Variants in NUP93 observed in about 807,000 individuals in gnomAD.
NUP93 encodes the protein nuclear pore complex protein Nup93.
A neutral mutation model predicts 107.8 loss-of-function variants in NUP93; 55 were observed. That is an observed-to-expected ratio of 0.51 (90% CI 0.41 to 0.64). The LOEUF (loss-of-function observed/expected upper bound fraction) is 0.64. Among genes scored for constraint, NUP93 ranks in the 30% least tolerant of loss-of-function variants. The probability of loss-of-function intolerance (pLI) is 0.00; values close to 1 mark genes in which losing one functional copy is unlikely to be tolerated. For synonymous variants in NUP93, 390 were observed against 397.5 expected, an observed-to-expected ratio of 0.98 and a Z score of 0.22; for missense variants, 937 against 1,044.7, an observed-to-expected ratio of 0.90 and a Z score of 1.42.
intron 3 of NUP93, among the ~76,000 whole-genome samples, chr16:56,772,969 A>G (rs1201088452): frequency 6.6e-6 from 1 of 152,188 alleles, no homozygotes; most frequent in African/African-American, 2.4e-5. Flanking sequence ...GTTGATCACC[A>G]GTGGCCAGTG....
chr16:56,829,056 T>G lies in NUP93; in HGVS notation c.874T>G (p.Leu292Val). The G allele has an allele frequency of 6.2e-7, 1 of 1,613,524 alleles. No individual in the cohort carries two copies. The highest frequency in any genetic ancestry group is 8.5e-7 in the Non-Finnish European group (1 of 1,179,832). Residue 292 changes from leucine (L) to valine (V), a missense_variant, in exon 9 of 22, where the codon TTG becomes GTG. By Grantham distance (32) the Leu-to-Val change is conservative (BLOSUM62 1). Coordinates refer to ENST00000308159, the MANE Select transcript of NUP93 (RefSeq NM_014669.5). ...GGGCGGGGTGCCTGGGACTTACCAA[T>G]TGGTTCGAAGTTTCCTGAACATTAA... Reference protein sequence around the residue: ...QLGGVPGTYQLVRSFLNIKLP... With the variant: ...QLGGVPGTYQVVRSFLNIKLP...
chr16:56,821,513 T>C lies in NUP93; in HGVS notation c.574T>C (p.Tyr192His). ...CTTTTTATCATTTCAGATTTATATC[T>C]ATAATGAGAAAATTGTAAATGGACA... is the stretch of plus-strand genomic sequence containing the variant. ...EMAYARQIYI[Y>H]NEKIVNGHLQ... The change falls in exon 7 of 22, where the codon TAT becomes CAT. Residue 192 changes from tyrosine (Y) to histidine (H), a missense_variant. Coordinates refer to ENST00000308159, the MANE Select transcript of NUP93 (RefSeq NM_014669.5). 6.2e-7 allele frequency: 1 copy of C among 1,606,506 alleles called. No individual in the cohort carries two copies. Among genetic ancestry groups the C allele is most frequent in the Non-Finnish European group, 8.5e-7 (1 of 1,173,200 alleles).
chr16:56,809,965 A>G (rs1434965191), intron 5 of NUP93, among the ~76,000 whole-genome samples: 3 of 152,234 alleles, frequency 2.0e-5, no homozygotes, highest in Non-Finnish European at 4.4e-5. Flanking sequence ...AGAACAGCTC[A>G]TGGTTTTATA....
At chr16:56,790,805 T>G (rs774015064) in intron 3 of NUP93, among the ~76,000 whole-genome samples, 1 of 152,230 alleles carries the variant, frequency 6.6e-6, no homozygotes, top group Admixed American at 6.5e-5. Context: ...GAATACTCAA[T>G]AGTATTCCAA....
At chr16:56,808,254 A>T (rs1963206244) in intron 5 of NUP93, among the ~76,000 whole-genome samples, 2 of 44,648 alleles carry the variant, frequency 4.5e-5, no homozygotes, top group Admixed American at 3.1e-4. Context: ...AACTATATAA[A>T]ATATATAGTT....
intron 20 of NUP93, 175 bp downstream of exon 20, chr16:56,839,779 C>T (rs1963985286): frequency 3.3e-6 from 2 of 597,434 alleles, no homozygotes; most frequent in Non-Finnish European, 6.0e-6. Flanking sequence ...TGAGTGCATA[C>T]ATCCCCATCA....
intron 2 of NUP93, among the ~76,000 whole-genome samples, chr16:56,752,599 C>T (rs1209349416): frequency 2.6e-5 from 4 of 152,168 alleles, no homozygotes; most frequent in Non-Finnish European, 5.9e-5. Context: ...GCAGATTCAA[C>T]ACAGTCTCTA....
intron 5 of NUP93, among the ~76,000 whole-genome samples, chr16:56,808,796 A>G (rs1175278117): frequency 1.0e-4 from 14 of 140,524 alleles, no homozygotes; most frequent in Admixed American, 9.9e-4. Flanking sequence ...AAATATGTAT[A>G]TAAATACATA....
At chr16:56,843,615 C>G (rs752089392) in intron 21 of NUP93, among the ~76,000 whole-genome samples, 1 of 152,172 alleles carries the variant, frequency 6.6e-6, no homozygotes, top group Non-Finnish European at 1.5e-5. Flanking sequence ...GCTCATTTAA[C>G]GAGAGCCCTT....
At chr16:56,779,416 T>C (rs909937812) in intron 3 of NUP93, among the ~76,000 whole-genome samples, 1 of 152,236 alleles carries the variant, frequency 6.6e-6, no homozygotes, top group Non-Finnish European at 1.5e-5. Flanking sequence ...CTTTAGTTTT[T>C]GGTGTCTAGG....
intron 20 of NUP93, among the ~76,000 whole-genome samples, chr16:56,840,093 T>C (rs1413872201): frequency 6.6e-6 from 1 of 152,160 alleles, no homozygotes; most frequent in Non-Finnish European, 1.5e-5. Context: ...TGATCTTGGC[T>C]CACTGCAAGC....
chr16:56,763,442 G>A (rs1216797100), intron 3 of NUP93, among the ~76,000 whole-genome samples: 1 of 152,046 alleles, frequency 6.6e-6, no homozygotes, highest in Non-Finnish European at 1.5e-5. Flanking sequence ...ACTATAGATA[G>A]GATTAAATTT....
At chr16:56,830,452 TAGCTC>T in intron 9 of NUP93, 71 bp from the exon 10 acceptor site, 7 of 1,385,398 alleles carry the variant, frequency 5.1e-6, no homozygotes, top group Non-Finnish European at 5.8e-6. Context: ...GAGAGGGGCT[TAGCTC>T]GGTTTTAGCA....
At chr16:56,789,374 G>A (rs1489034223) in intron 3 of NUP93, among the ~76,000 whole-genome samples, 3 of 152,216 alleles carry the variant, frequency 2.0e-5, no homozygotes, top group East Asian at 3.8e-4. Flanking sequence ...AATTTGTTTT[G>A]CCTTAATGGA....
At chr16:56,808,895 G>A (rs1460426906) in intron 5 of NUP93, among the ~76,000 whole-genome samples, 1 of 150,218 alleles carries the variant, frequency 6.7e-6, no homozygotes, top group Non-Finnish European at 1.5e-5. Context: ...AAAGCACCCT[G>A]TCCCCAAATA....
At chr16:56,755,069 C>T (rs1365005775) in intron 2 of NUP93, among the ~76,000 whole-genome samples, 1 of 152,160 alleles carries the variant, frequency 6.6e-6, no homozygotes, top group Admixed American at 6.5e-5. Context: ...CTTTGGAAAA[C>T]AGTCTGGCAT....
At position 56,732,146 on chromosome 16, in the gene NUP93, C is replaced by T. The variant is rs112831086; in HGVS notation, c.-15+1935C>T. Among the ~76,000 whole-genome samples, 418 of 152,334 alleles carry T rather than the reference C, an allele frequency of 2.7e-3. 3 individuals are homozygous for T. Among genetic ancestry groups the T allele is most frequent in the African/African-American group, 9.6e-3 (400 of 41,572 alleles). On this transcript the variant is annotated intron_variant, in intron 1 of 21. Transcript: ENST00000308159. ...GGGAGGCACCTAGTGAGGCTTTCCC[C>T]ATTTCCCGCCTCCCTTCATTGCTTT...
intron 1 of NUP93, among the ~76,000 whole-genome samples, chr16:56,741,580 AT>A (rs1961740523): frequency 6.6e-6 from 1 of 152,198 alleles, no homozygotes; most frequent in Non-Finnish European, 1.5e-5. Context: ...GTTTACTGTT[AT>A]TTTACTGTTA....
At position 56,751,407 on chromosome 16, in the gene NUP93, C is replaced by T. The variant is rs35216593; in HGVS notation, c.179+2981C>T. Among the ~76,000 whole-genome samples, 829 of 152,266 alleles carry T rather than the reference C, an allele frequency of 5.4e-3. 8 individuals carry two copies. Among genetic ancestry groups the T allele is most frequent in the Non-Finnish European group, 8.1e-3 (549 of 68,022 alleles). On this transcript the variant is annotated intron_variant, in intron 2 of 21. Transcript: ENST00000308159. The stretch of plus-strand genomic sequence containing the variant: ...TAGGCGCTGTGCCACACACTTTACA[C>T]GCATTATATAATTTCTTTTTAAAAT...
Sources: gnomAD v4.1 joint callset for allele counts (sites outside exome capture counted in the v4.1 genomes callset) on GRCh38, gnomAD v4.1.1 for gene constraint, MANE v1.5 for transcripts, NCBI Gene and HGNC (gene_info 2026-07-23, HGNC 2026-07-21) for gene names.